LEMD1: variants seen among roughly 807,000 people sequenced by gnomAD.
The protein encoded by LEMD1 is LEM domain containing 1.
In LEMD1, 18 loss-of-function variants were observed where a neutral mutation model predicts 17.4. The observed-to-expected ratio is 1.04, with a 90% CI of 0.72 to 1.54. LEMD1 has a LOEUF of 1.54. Ranked by LOEUF, LEMD1 falls within the 40% of genes most tolerant of loss-of-function variation. The pLI is 0.00. For missense variants in LEMD1, 195 were observed against 210.4 expected, an observed-to-expected ratio of 0.93 and a Z score of 0.45; for synonymous variants, 88 against 77.8, an observed-to-expected ratio of 1.13 and a Z score of -0.69.
intron 1 of LEMD1, among the ~76,000 whole-genome samples, chr1:205,446,748 C>G (rs1447874732): frequency 6.6e-6 from 1 of 152,160 alleles, no homozygotes; most frequent in African/African-American, 2.4e-5. Context: ...GAGGAAGGTG[C>G]CAGCCATCTC....
At chr1:205,416,909 G>A (rs1348419633) in intron 3 of LEMD1, among the ~76,000 whole-genome samples, 1 of 152,164 alleles carries the variant, frequency 6.6e-6, no homozygotes, top group Non-Finnish European at 1.5e-5. Flanking sequence ...GTCAGTTAGT[G>A]AAAATGAGAA....
chr1:205,396,844 C>T (rs1042473939), intron 4 of LEMD1, among the ~76,000 whole-genome samples: 3 of 152,208 alleles, frequency 2.0e-5, no homozygotes, highest in Non-Finnish European at 4.4e-5. Flanking sequence ...GAGGGATACA[C>T]TGGGGGCTTC....
chr1:205,446,144 G>A (rs16855619), intron 1 of LEMD1, among the ~76,000 whole-genome samples: 14,104 of 152,248 alleles, frequency 0.093, 1,238 homozygotes, highest in African/African-American at 0.22. Flanking sequence ...AGGGACATGA[G>A]GGCAACTTGC....
In LEMD1 at chr1:205,448,767, T is replaced by C. The variant is rs895990400; in HGVS notation, c.-39+1101A>G. Among the ~76,000 whole-genome samples, 3 of 152,192 alleles carry C rather than the reference T, an allele frequency of 2.0e-5. No individual in the cohort carries two copies. The highest frequency in any genetic ancestry group is 6.5e-5 in the Admixed American group (1 of 15,276). ...GGCCGGATCTTTTCAAGGCTGCTGC[T>C]GCCAGTACCCAGGATGGGGGGCCCC... is the stretch of plus-strand genomic sequence containing the variant. On this transcript the variant is annotated intron_variant, in intron 1 of 3. Transcript: ENST00000367154. The surrounding 1 kb of genome is among the most constrained non-coding windows in gnomAD (Gnocchi z 4.7).
chr1:205,423,938 T>G (rs58183130), upstream of LEMD1, among the ~76,000 whole-genome samples: 89 of 152,320 alleles, frequency 5.8e-4, no homozygotes, highest in African/African-American at 2.1e-3. Context: ...TCTCTTCCCT[T>G]AATGCCACAT....
chr1:205,401,113 T>C (rs1440552724), intron 4 of LEMD1, among the ~76,000 whole-genome samples: 7 of 151,740 alleles, frequency 4.6e-5, no homozygotes, highest in Admixed American at 6.6e-5. Context: ...ACATTTGGGT[T>C]GGTTCCAAGT....
chr1:205,430,297 G>GC (rs994637132), intron 1 of LEMD1, among the ~76,000 whole-genome samples: 6 of 152,180 alleles, frequency 3.9e-5, no homozygotes, highest in Non-Finnish European at 8.8e-5. Context: ...CTTAGGAAGG[G>GC]CTGTGTTGAA....
intron 4 of LEMD1, among the ~76,000 whole-genome samples, chr1:205,405,935 G>A (rs1330631788): frequency 6.6e-6 from 1 of 152,218 alleles, no homozygotes; most frequent in Admixed American, 6.5e-5. Context: ...AGGAACCTCA[G>A]CTGCAGGTCT....
intron 1 of LEMD1, among the ~76,000 whole-genome samples, chr1:205,430,735 C>A (rs568621989): frequency 6.6e-6 from 1 of 152,370 alleles, no homozygotes; most frequent in East Asian, 1.9e-4. Flanking sequence ...GACCCCCAAG[C>A]AGCCGGCGAG....
At chr1:205,414,321 G>A (rs4951220) in intron 4 of LEMD1, among the ~76,000 whole-genome samples, 115,791 of 151,544 alleles carry the variant, frequency 0.76, 45,460 homozygotes, top group East Asian at 1. Flanking sequence ...GGTGGCTGAT[G>A]CCTGTAATCC....
intron 4 of LEMD1, among the ~76,000 whole-genome samples, chr1:205,391,970 G>A (rs963798323): frequency 6.6e-6 from 1 of 150,848 alleles, no homozygotes; most frequent in South Asian, 2.1e-4. Flanking sequence ...AAAAAGCCGG[G>A]CATAGTGGCA....
chr1:205,416,772 A>G (rs1315894651), intron 3 of LEMD1, among the ~76,000 whole-genome samples: 1 of 152,238 alleles, frequency 6.6e-6, no homozygotes, highest in African/African-American at 2.4e-5. Context: ...GCAAAGAAGC[A>G]TTTTGATAAA....
intron 5 of LEMD1, 49 bp downstream of exon 5, chr1:205,384,239 A>G (rs1340728529): frequency 8.9e-7 from 1 of 1,125,322 alleles, no homozygotes; most frequent in Non-Finnish European, 1.2e-6. Flanking sequence ...TTCCAGAGCT[A>G]CAGAATACAA....
chr1:205,384,787 G>A (rs1192665785), intron 4 of LEMD1, among the ~76,000 whole-genome samples: 2 of 152,106 alleles, frequency 1.3e-5, no homozygotes, highest in Non-Finnish European at 2.9e-5. Context: ...TTAGGAGAAC[G>A]AAATGTTGCT....
At chr1:205,407,360 T>C (rs916502932) in intron 4 of LEMD1, among the ~76,000 whole-genome samples, 3 of 149,372 alleles carry the variant, frequency 2.0e-5, no homozygotes, top group Non-Finnish European at 4.4e-5. Flanking sequence ...GGATTTGAAC[T>C]TGGAGCCCCA....
chr1:205,402,259 T>C (rs1042718349), intron 4 of LEMD1, among the ~76,000 whole-genome samples: 1 of 152,210 alleles, frequency 6.6e-6, no homozygotes, highest in African/African-American at 2.4e-5. Flanking sequence ...GGTAGCTTGA[T>C]GGGGATGGCA....
At chr1:205,389,077 C>A (rs1400270589) in intron 4 of LEMD1, among the ~76,000 whole-genome samples, 1 of 104,288 alleles carries the variant, frequency 9.6e-6, no homozygotes, top group African/African-American at 3.7e-5. Flanking sequence ...GAGATAGAGT[C>A]TTGCTCTGTC....
intron 3 of LEMD1, among the ~76,000 whole-genome samples, chr1:205,418,491 A>G (rs1308653377): frequency 6.6e-6 from 1 of 152,150 alleles, no homozygotes; most frequent in Non-Finnish European, 1.5e-5. Flanking sequence ...CAGTCAGCAT[A>G]GGAGGGGTTT....
At chr1:205,395,463 G>T (rs1348982858) in intron 4 of LEMD1, among the ~76,000 whole-genome samples, 1 of 151,828 alleles carries the variant, frequency 6.6e-6, no homozygotes, top group Non-Finnish European at 1.5e-5. Context: ...GTTTGGTGGT[G>T]CATGCCTGTA....
Sources: gnomAD v4.1 joint callset for allele counts (sites outside exome capture counted in the v4.1 genomes callset) on GRCh38, gnomAD v4.1.1 for gene constraint, Gnocchi (gnomAD v3.1) non-coding constraint, MANE v1.5 for transcripts, NCBI Gene and HGNC (gene_info 2026-07-23, HGNC 2026-07-21) for gene names.